Variants in DPF3 observed in about 807,000 individuals in gnomAD.
DPF3 encodes the protein zinc finger protein DPF3.
In DPF3, 18 loss-of-function variants were observed where a neutral mutation model predicts 56.8. The observed-to-expected ratio is 0.32, with a 90% CI of 0.22 to 0.47. The LOEUF (loss-of-function observed/expected upper bound fraction) is 0.47. Among genes scored for constraint, DPF3 ranks in the 20% least tolerant of loss-of-function variants. The probability of loss-of-function intolerance (pLI) is 1.00; values close to 1 mark genes in which losing one functional copy is unlikely to be tolerated. For synonymous variants in DPF3, 188 were observed against 180.2 expected, an observed-to-expected ratio of 1.04 and a Z score of -0.35; for missense variants, 403 against 488.8, an observed-to-expected ratio of 0.82 and a Z score of 1.65.
At chr14:72,737,297 T>C (rs1293664441) in intron 3 of DPF3, among the ~76,000 whole-genome samples, 1 of 151,812 alleles carries the variant, frequency 6.6e-6, no homozygotes, top group Non-Finnish European at 1.5e-5. Flanking sequence ...AGCCATCCTC[T>C]TGGGTGCAGA....
At chr14:72,804,268 C>T (rs963047830) in intron 1 of DPF3, among the ~76,000 whole-genome samples, 4 of 151,968 alleles carry the variant, frequency 2.6e-5, no homozygotes, top group African/African-American at 7.3e-5. Context: ...TGCGTGCCTC[C>T]TGCCAGCCCC....
At chr14:72,658,958 A>T (rs1211837032) in intron 8 of DPF3, among the ~76,000 whole-genome samples, 5 of 152,022 alleles carry the variant, frequency 3.3e-5, no homozygotes, top group Non-Finnish European at 7.4e-5. Context: ...ACCAACACTG[A>T]AAAATGGGGA....
rs184366314 is a variant in DPF3, at chr14:72,661,539, T to C, written c.871+12701A>G. ...TGGGGAGCCTGCGGGTAGAACCCAG[T>C]GGCTCAGCCAGTCAGCCCTGCACCT... On this transcript the variant is annotated intron_variant, in intron 8 of 10. Transcript: ENST00000556509. The C allele has an allele frequency of 3.4e-3, 3,335 of 985,498 alleles. 12 individuals are homozygous for C. The highest frequency in any genetic ancestry group is 3.8e-3 in the Non-Finnish European group (3,138 of 829,992). 61.0% of individuals were successfully genotyped at this position (985,498 alleles called of 1,614,324 possible).
At chr14:72,756,535 G>A (rs970287918) in intron 2 of DPF3, among the ~76,000 whole-genome samples, 17 of 152,078 alleles carry the variant, frequency 1.1e-4, no homozygotes, top group South Asian at 2.1e-4. Flanking sequence ...AAGAGTGGCC[G>A]GGTACAGTGG....
At chr14:72,686,605 C>T (rs1234858621) in intron 7 of DPF3, among the ~76,000 whole-genome samples, 10 of 152,322 alleles carry the variant, frequency 6.6e-5, no homozygotes, top group Admixed American at 5.9e-4. Flanking sequence ...CAAGTATCCC[C>T]TGCAAGGACC....
At chr14:72,715,373 A>G (rs1888871407) in intron 5 of DPF3, among the ~76,000 whole-genome samples, 1 of 152,164 alleles carries the variant, frequency 6.6e-6, no homozygotes, top group African/African-American at 2.4e-5. Context: ...AACCTTTGTA[A>G]GTCCCACACT....
rs549199404 is a variant in DPF3, at chr14:72,716,111, G to A, written c.526-1610C>T. The stretch of plus-strand genomic sequence containing the variant: ...GAAAGCAAGTCAAGCAGAATGACGA[G>A]GCAACAGCAGACTGGGGAAGGGGCT... On this transcript the variant is annotated intron_variant, in intron 5 of 10. Transcript: ENST00000556509. 2.0e-5 allele frequency among the ~76,000 whole-genome samples: 3 copies of A among 151,888 alleles called. No individual in the cohort carries two copies. In the South Asian group the frequency reaches 6.3e-4, roughly 32 times the overall value.
intron 1 of DPF3, among the ~76,000 whole-genome samples, chr14:72,858,832 T>C (rs1218889392): frequency 6.6e-6 from 1 of 152,196 alleles, no homozygotes; most frequent in Non-Finnish European, 1.5e-5. Context: ...GGATTTGGGG[T>C]GATAATTTTG....
At chr14:72,703,787 G>C (rs1024484520) in intron 6 of DPF3, among the ~76,000 whole-genome samples, 3 of 152,172 alleles carry the variant, frequency 2.0e-5, no homozygotes, top group African/African-American at 7.2e-5. Flanking sequence ...CTGGCACACA[G>C]CACATGTTCA....
intron 5 of DPF3, among the ~76,000 whole-genome samples, chr14:72,718,185 C>T (rs1391324609): frequency 6.6e-6 from 1 of 152,188 alleles, no homozygotes; most frequent in African/African-American, 2.4e-5. Context: ...TGCTAAGTCC[C>T]TGCCATGTTC....
chr14:72,737,540 T>C (rs532479018), intron 3 of DPF3, among the ~76,000 whole-genome samples: 3 of 152,322 alleles, frequency 2.0e-5, no homozygotes, highest in East Asian at 3.9e-4. Context: ...TCCTTCGTTA[T>C]TTGGCTCAGG....
At chr14:72,809,414 G>GACTTCTCACTCAC (rs1455627918) in intron 1 of DPF3, among the ~76,000 whole-genome samples, 19 of 152,316 alleles carry the variant, frequency 1.2e-4, no homozygotes, top group Admixed American at 1.2e-3. Flanking sequence ...GGGCATGGGG[G>GACTTCTCACTCAC]TTACCAGAAA....
At chr14:72,661,296 A>G (rs907886130) in intron 8 of DPF3, 2 of 985,284 alleles carry the variant, frequency 2.0e-6, no homozygotes, top group Non-Finnish European at 2.4e-6. Context: ...CTGGCTTTGA[A>G]CAGGAAACCT....
chr14:72,632,899 G>GCTGTA (rs1885253707), intron 8 of DPF3, among the ~76,000 whole-genome samples: 1 of 150,428 alleles, frequency 6.6e-6, no homozygotes. Context: ...GGATGAAGGG[G>GCTGTA]CTGTACGCTA....
intron 8 of DPF3, among the ~76,000 whole-genome samples, chr14:72,648,828 T>C (rs1885808951): frequency 6.6e-6 from 1 of 152,056 alleles, no homozygotes. Flanking sequence ...AAACAAGCCA[T>C]AAAAGCTCCC....
intron 1 of DPF3, among the ~76,000 whole-genome samples, chr14:72,794,352 C>G (rs963746033): frequency 6.6e-6 from 1 of 152,196 alleles, no homozygotes; most frequent in African/African-American, 2.4e-5. Flanking sequence ...ATTATCCACT[C>G]CAGGGGCCTC....
intron 3 of DPF3, among the ~76,000 whole-genome samples, chr14:72,740,288 CAA>C (rs899190970): frequency 3.9e-5 from 6 of 152,156 alleles, no homozygotes; most frequent in African/African-American, 1.2e-4. Flanking sequence ...AGGTGTTGAG[CAA>C]AGCATGATAT....
intron 1 of DPF3, among the ~76,000 whole-genome samples, chr14:72,884,958 AT>A (rs1886474263): frequency 1.0e-5 from 1 of 100,434 alleles, no homozygotes; most frequent in African/African-American, 3.3e-5. Flanking sequence ...ATATATATAT[AT>A]ATATATATAT....
At chr14:72,722,545 C>T (rs1168507386) in intron 5 of DPF3, among the ~76,000 whole-genome samples, 1 of 152,172 alleles carries the variant, frequency 6.6e-6, no homozygotes, top group Non-Finnish European at 1.5e-5. Flanking sequence ...GCATGAGAAC[C>T]ACAAGAGTGG....
Sources: allele counts gnomAD v4.1 joint callset (sites outside exome capture counted in the v4.1 genomes callset), GRCh38; gene constraint gnomAD v4.1.1; transcripts MANE v1.5; gene names NCBI Gene and HGNC (gene_info 2026-07-23, HGNC 2026-07-21).